Variants in GALNS observed in about 807,000 individuals in gnomAD.
GALNS encodes the protein galactosamine (N-acetyl)-6-sulfatase, also known as N-acetylgalactosamine-6-sulfatase.
In GALNS, 65 loss-of-function variants were observed where a neutral mutation model predicts 65.9. The ratio of observed to expected loss-of-function variants is 0.99; its 90% CI spans 0.81 to 1.21. The LOEUF (loss-of-function observed/expected upper bound fraction) is 1.21, where lower values mean the gene tolerates loss of function less well. Among genes scored for constraint, GALNS ranks in the 50% most tolerant of loss-of-function variants. GALNS has a pLI of 0.00. For missense variants in GALNS, 776 were observed against 700.7 expected (o/e 1.11, Z -1.21); for synonymous variants, 346 against 288.9 (o/e 1.20, Z -2.00).
At chr16:88,854,867 C>T (rs186187772) in intron 1 of GALNS, among the ~76,000 whole-genome samples, 3 of 152,370 alleles carry the variant, frequency 2.0e-5, no homozygotes, top group Admixed American at 1.3e-4. Context: ...GTACACCTAC[C>T]GGCCAGGACA....
chr16:88,843,107 T>A (rs190159538), intron 1 of GALNS: 1 of 1,476,264 alleles, frequency 6.8e-7, no homozygotes, highest in East Asian at 2.8e-5. Flanking sequence ...CACTTCTGCT[T>A]GGTCTTCAGG....
At chr16:88,842,323 A>C (rs1336284291) in intron 2 of GALNS, 3 of 505,462 alleles carry the variant, frequency 5.9e-6, no homozygotes, top group Non-Finnish European at 1.1e-5. Context: ...CACGATCAAC[A>C]CCACATGTTT....
rs527926565 is a variant in GALNS at position 88,815,288 on chromosome 16, C to A, written c.1483-763G>T. The A allele has an allele frequency of 4.1e-6, 4 of 985,474 alleles. No homozygotes were observed. In the South Asian group the frequency reaches 1.9e-4, roughly 46 times the overall value. The allele number at this position is 985,474 out of a possible 1,614,324, so 61.0% of individuals were successfully genotyped here. ...GTGGCTGAGGGCCTCCGAGGGCCAG[C>A]AGTGTTAGAAAGGGCAGGCGGTCCT... On this transcript the variant is annotated intron_variant, in intron 13 of 13. Coordinates refer to ENST00000268695, the MANE Select transcript of GALNS (RefSeq NM_000512.5).
Position 88,855,382 on chromosome 16 carries a change from G to A in GALNS, c.120+1376C>T, listed in dbSNP as rs953541089. On this transcript the variant is annotated intron_variant, in intron 1 of 13. Coordinates refer to ENST00000268695, the MANE Select transcript of GALNS (RefSeq NM_000512.5). ...ACAAAGTATCTACACTGGCCCAGAG[G>A]AACTTCAAAAGTGAAAGGATGAAAT... is the stretch of plus-strand genomic sequence containing the variant. 3 of 702,588 alleles carry A rather than the reference G, an allele frequency of 4.3e-6. No individual in the cohort carries two copies. In the African/African-American group the frequency reaches 5.2e-5, roughly 12 times the overall value. 43.5% of individuals were successfully genotyped at this position (702,588 alleles called of 1,614,324 possible). A position where few individuals can be genotyped will look rare whatever the true frequency, so the allele number is the denominator to read the frequency against.
intron 1 of GALNS, among the ~76,000 whole-genome samples, chr16:88,854,759 C>T (rs565972008): frequency 4.6e-5 from 7 of 152,358 alleles, no homozygotes; most frequent in South Asian, 2.1e-4. Context: ...ACTCGCCAGG[C>T]GGCCCTGGTC....
intron 9 of GALNS, among the ~76,000 whole-genome samples, chr16:88,831,138 C>T (rs1263701541): frequency 6.6e-6 from 1 of 152,250 alleles, no homozygotes; most frequent in Non-Finnish European, 1.5e-5. Flanking sequence ...CACCGAGAGC[C>T]TTCCTGCCTG....
intron 1 of GALNS, chr16:88,844,697 A>ACAGGCCCAG (rs1248025270): frequency 6.6e-6 from 1 of 152,292 alleles, no homozygotes; most frequent in African/African-American, 2.4e-5. Flanking sequence ...GACCAAGTTC[A>ACAGGCCCAG]CAGGCCCAGC....
chr16:88,837,570 G>T, intron 5 of GALNS, 52 bp downstream of exon 5: 1 of 1,592,144 alleles, frequency 6.3e-7, no homozygotes, highest in Admixed American at 1.7e-5. Flanking sequence ...GGGCAGGCAC[G>T]CCGGGCACAG....
At chr16:88,848,867 A>G (rs1484930881) in intron 1 of GALNS, among the ~76,000 whole-genome samples, 1 of 152,210 alleles carries the variant, frequency 6.6e-6, no homozygotes, top group East Asian at 1.9e-4. Flanking sequence ...GGGTGGCTGG[A>G]CATCCAGGTC....
chr16:88,830,508 A>T (rs1001263939), intron 9 of GALNS, among the ~76,000 whole-genome samples: 10 of 152,172 alleles, frequency 6.6e-5, no homozygotes, highest in Non-Finnish European at 1.0e-4. Flanking sequence ...TCGTGGGGCC[A>T]CTTGAAGGGG....
intron 1 of GALNS, chr16:88,844,501 C>G (rs927530395): frequency 6.6e-5 from 10 of 152,302 alleles, no homozygotes; most frequent in African/African-American, 2.2e-4. Context: ...CACTCCGAGG[C>G]CCCTCTGTCT....
intron 8 of GALNS, 30 bp downstream of exon 8, chr16:88,835,182 GA>G: frequency 6.4e-7 from 1 of 1,558,048 alleles, no homozygotes; most frequent in Non-Finnish European, 8.7e-7. Context: ...TGGCTGTGGG[GA>G]AACCGTGAGA....
chr16:88,815,917 G>A (rs1268660621), intron 13 of GALNS: 5 of 985,408 alleles, frequency 5.1e-6, no homozygotes, highest in Middle Eastern at 5.2e-4. Context: ...GGGTCCAGGT[G>A]GCCACACTCC....
intron 9 of GALNS, chr16:88,827,135 C>G (rs1039130827): frequency 3.7e-6 from 2 of 534,664 alleles, no homozygotes; most frequent in Non-Finnish European, 6.8e-6. Flanking sequence ...GATGCCCCTC[C>G]AGGCCCACCT....
At chr16:88,823,644 G>A (rs1391812675) in intron 11 of GALNS, among the ~76,000 whole-genome samples, 1 of 32,524 alleles carries the variant, frequency 3.1e-5, no homozygotes, top group Non-Finnish European at 5.8e-5. Context: ...GACGGCCCTC[G>A]CAGGCGGCAA....
chr16:88,818,289 G>C (rs1909851031), intron 12 of GALNS, among the ~76,000 whole-genome samples, 165 bp from the exon 13 acceptor site: 1 of 152,178 alleles, frequency 6.6e-6, no homozygotes, highest in Non-Finnish European at 1.5e-5. Context: ...GCCTCGCTAG[G>C]ACAGGCAGCA....
chr16:88,855,399 G>A (rs750769351), intron 1 of GALNS: 5 of 702,758 alleles, frequency 7.1e-6, no homozygotes, highest in South Asian at 5.9e-5. Context: ...AAAAGTGAAA[G>A]GATGAAATTC....
intron 1 of GALNS, chr16:88,844,125 T>C (rs761506444): frequency 2.0e-5 from 3 of 151,692 alleles, no homozygotes; most frequent in Non-Finnish European, 4.4e-5. Context: ...GTGGCTGTCA[T>C]GGTCAATTTT....
In GALNS at chr16:88,814,327, G is replaced by T; in HGVS notation, c.*112C>A. The stretch of plus-strand genomic sequence containing the variant: ...CAGTCCCCCTGCGTCTGCAGGTGCT[G>T]TCTGTCTGGCTTGGGCAGGGTTGGG... On this transcript the variant is annotated 3_prime_UTR_variant, in exon 14 of 14. Coordinates refer to ENST00000268695, the MANE Select transcript of GALNS (RefSeq NM_000512.5). 1 of 1,400,574 alleles carries T rather than the reference G, an allele frequency of 7.1e-7. No homozygotes were observed. Among genetic ancestry groups the T allele is most frequent in the Non-Finnish European group, 9.9e-7 (1 of 1,013,218 alleles). The allele number at this position is 1,400,574 out of a possible 1,614,324, so 86.8% of individuals were successfully genotyped here. A position where few individuals can be genotyped will look rare whatever the true frequency, so the allele number is the denominator to read the frequency against.
Sources: gnomAD v4.1 joint callset for allele counts (sites outside exome capture counted in the v4.1 genomes callset) on GRCh38, gnomAD v4.1.1 for gene constraint, MANE v1.5 for transcripts, NCBI Gene and HGNC (gene_info 2026-07-23, HGNC 2026-07-21) for gene names.